CDAN1: variants seen among roughly 807,000 people sequenced by gnomAD.
CDAN1 encodes the protein codanin 1.
In CDAN1, 107 loss-of-function variants were observed where a neutral mutation model predicts 139.8. The observed-to-expected ratio is 0.77, with a 90% confidence interval of 0.65 to 0.90. The LOEUF (loss-of-function observed/expected upper bound fraction) is 0.90, where lower values mean the gene tolerates loss of function less well. Ranked by LOEUF, CDAN1 falls within the 40% of genes least tolerant of loss-of-function variation. The pLI, the probability that CDAN1 is intolerant of heterozygous loss-of-function variation, is 0.00. For missense variants in CDAN1, 1,667 were observed against 1,575.7 expected (o/e 1.06, Z -0.98); for synonymous variants, 776 against 660.6 (o/e 1.17, Z -2.68).
At position 42,737,117 on chromosome 15, in the gene CDAN1, T is replaced by C; in HGVS notation, c.-15A>G. On this transcript the variant is annotated 5_prime_UTR_variant, in exon 1 of 28. Coordinates refer to ENST00000356231, the MANE Select transcript of CDAN1 (RefSeq NM_138477.4). Reference sequence around the variant, plus strand: ...ACGGCCGCCATCCCGGTCGGGGCGCTCTGGGGCGACTGCGCAGGCGCCGGC... The same window carrying C: ...ACGGCCGCCATCCCGGTCGGGGCGCCCTGGGGCGACTGCGCAGGCGCCGGC... 1 of 1,457,278 alleles carries C rather than the reference T, an allele frequency of 6.9e-7. No homozygotes were observed. The highest frequency in any genetic ancestry group is 9.1e-7 in the Non-Finnish European group (1 of 1,099,936). 90.3% of individuals were successfully genotyped at this position (1,457,278 alleles called of 1,614,324 possible). A position where few individuals can be genotyped will look rare whatever the true frequency, so the allele number is the denominator to read the frequency against.
At position 42,731,723 on chromosome 15, in the gene CDAN1, G is replaced by C; in HGVS notation, c.1636C>G (p.Gln546Glu). 6.2e-7 allele frequency: 1 copy of C among 1,614,186 alleles called. No homozygotes were observed. The highest frequency in any genetic ancestry group is 8.5e-7 in the Non-Finnish European group (1 of 1,180,034). ...CTCTGAGGAGCCATAAGCCGTTCCT[G>C]TAGGCGCCACAACCGCCCCAGCTTG... ...ADKLGRLWRL[Q>E]ERLMAPQSSG... The change falls in exon 11 of 28, where the codon CAG becomes GAG. Residue 546 changes from glutamine (Q) to glutamate (E), a missense_variant. By Grantham distance (29) the Gln-to-Glu change is conservative. Coordinates refer to ENST00000356231, the MANE Select transcript of CDAN1 (RefSeq NM_138477.4).
chr15:42,724,033 T>C lies in CDAN1; in HGVS notation c.*458A>G, dbSNP rs2061491565. The C allele has an allele frequency of 3.9e-6, 1 of 256,528 alleles. No individual in the cohort carries two copies. The highest frequency in any genetic ancestry group is 7.7e-6 in the Non-Finnish European group (1 of 129,918). The allele number at this position is 256,528 out of a possible 1,614,324, so 15.9% of individuals were successfully genotyped here. A position where few individuals can be genotyped will look rare whatever the true frequency, so the allele number is the denominator to read the frequency against. On this transcript the variant is annotated 3_prime_UTR_variant, in exon 28 of 28. Coordinates refer to ENST00000356231, the MANE Select transcript of CDAN1 (RefSeq NM_138477.4). ...CCTGTGTTAGGCATTTATAAGGAGATGGCAGTCCAGCTCCTGGTGATAAGA... is the reference window on the plus strand; with the variant it reads ...CCTGTGTTAGGCATTTATAAGGAGACGGCAGTCCAGCTCCTGGTGATAAGA...
At position 42,727,647 on chromosome 15, in the gene CDAN1, G is replaced by A. The variant is rs762526402; in HGVS notation, c.3070C>T (p.Pro1024Ser). The A allele has an allele frequency of 1.3e-6, 2 of 1,583,256 alleles. No individual in the cohort carries two copies. The highest frequency in any genetic ancestry group is 1.7e-6 in the Non-Finnish European group (2 of 1,162,022). Residue 1024 changes from proline to serine, a missense_variant, in exon 23 of 28, where the codon CCC (proline) becomes TCC (serine). By Grantham distance (74) the Pro-to-Ser change is moderately conservative. Around this residue, in one of 3 missense-constraint regions of CDAN1, gnomAD observed 936 missense variants for 844.1 expected, o/e 1.11. Transcript: ENST00000356231. ...TTTATCTCGGAGATGAGGTGGGAGG[G>A]GAGGGGAGCATGGTGCTCACAGGCG... ...SRACEHHAPL[P>S]SHLISEIKDV...
intron 22 of CDAN1, 48 bp downstream of exon 22, chr15:42,727,907 C>CCA: frequency 6.2e-7 from 1 of 1,604,532 alleles, no homozygotes. Flanking sequence ...CTCTGCCAGT[C>CCA]CACTTTTTAA....
chr15:42,733,702 T>C (rs899521570), intron 8 of CDAN1, among the ~76,000 whole-genome samples: 4 of 151,960 alleles, frequency 2.6e-5, no homozygotes, highest in African/African-American at 9.7e-5. Flanking sequence ...CACTCTTGCT[T>C]GAGAACCCTG....
chr15:42,736,115 A>G lies in CDAN1; in HGVS notation c.570-37T>C, dbSNP rs753982715. 3.2e-5 allele frequency: 52 copies of G among 1,604,778 alleles called. No homozygotes were observed. The South Asian group carries it at 5.1e-4, about 16-fold the overall frequency. On this transcript the variant is annotated intron_variant, in intron 2 of 27. Coordinates refer to ENST00000356231, the MANE Select transcript of CDAN1 (RefSeq NM_138477.4). ...AGCCACAGGTTTTTCTCAAATTCCT[A>G]TCTTCAAACATCTCCCCTCCACCAC...
intron 24 of CDAN1, 45 bp downstream of exon 24, chr15:42,726,265 A>G: frequency 1.3e-6 from 2 of 1,594,348 alleles, no homozygotes. Flanking sequence ...GGTCTCACAC[A>G]AGGACACAGA....
chr15:42,731,867 A>C, intron 10 of CDAN1, 42 bp from the exon 11 acceptor site: 1 of 1,578,772 alleles, frequency 6.3e-7, no homozygotes, highest in Non-Finnish European at 8.7e-7. Flanking sequence ...AAAATCAGCA[A>C]GTGGGAGGGA....
At chr15:42,725,816 C>G in intron 25 of CDAN1, 146 bp from the exon 26 acceptor site, 8 of 871,052 alleles carry the variant, frequency 9.2e-6, no homozygotes, top group Non-Finnish European at 1.4e-5. Flanking sequence ...AACCCCATCT[C>G]TATTAAAAAT....
rs552779240 is a variant in CDAN1 at position 42,735,626 on chromosome 15, C to T, written c.827G>A (p.Gly276Glu). Reference sequence around the variant, plus strand: ...TCCTGTCCGGCTGGGGAGGGGCGACCCCAATTCTGGGGTGGGACAGGTGGG... The same window carrying T: ...TCCTGTCCGGCTGGGGAGGGGCGACTCCAATTCTGGGGTGGGACAGGTGGG... The part of the protein sequence containing the change: ...PTPTCPTPEL[G>E]SPLPSRTGSL... The change falls in exon 4 of 28, where the codon GGG becomes GAG. Residue 276 changes from glycine (G) to glutamate (E), a missense_variant. Around this residue, in one of 3 missense-constraint regions of CDAN1, gnomAD observed 487 missense variants for 422.2 expected, o/e 1.15. Transcript: ENST00000356231. 1.9e-6 allele frequency: 3 copies of T among 1,614,154 alleles called. No homozygotes were observed. The highest frequency in any genetic ancestry group is 2.2e-5 in the South Asian group (2 of 91,078).
In CDAN1 at chr15:42,729,305, C is replaced by A; in HGVS notation, c.2465G>T (p.Gly822Val). Reference protein sequence around the residue: ...WVSGSSGRSGGFMRKITPTTT... With the variant: ...WVSGSSGRSGVFMRKITPTTT... Reference sequence around the variant, plus strand: ...GGTGGGGGTGATTTTCCTCATGAAGCCCCCACTCCGTCCACTACTGCCTGA... The same window carrying A: ...GGTGGGGGTGATTTTCCTCATGAAGACCCCACTCCGTCCACTACTGCCTGA... Residue 822 changes from glycine (G) to valine (V), a missense_variant, in exon 18 of 28, where the codon GGC becomes GTC. Gly to Val is a moderately radical substitution (Grantham distance 109). This residue lies in a region of CDAN1 where 936 missense variants were observed against 844.1 expected (regional missense o/e 1.11). Transcript: ENST00000356231. 1 of 1,614,014 alleles carries A rather than the reference C, an allele frequency of 6.2e-7. No homozygotes were observed. Among genetic ancestry groups the A allele is most frequent in the East Asian group, 2.2e-5 (1 of 44,864 alleles).
chr15:42,727,726 A>T lies in CDAN1; in HGVS notation c.2991T>A (p.Leu997=). The part of the protein sequence containing the change: ...REVKAAVSRT[L]RAQGPEPAAR... ...CAGCAGGTTCAGGACCCTGGGCTCG[A>T]AGTGTGCGACTCACTGCTGCTTTCA... Residue 997 remains leucine (L), a synonymous_variant, in exon 23 of 28, where the codon CTT becomes CTA. Transcript: ENST00000356231. The T allele has an allele frequency of 6.3e-7, 1 of 1,586,096 alleles. No homozygotes were observed. The highest frequency in any genetic ancestry group is 8.6e-7 in the Non-Finnish European group (1 of 1,162,302).
rs7174041 is a variant in CDAN1, at chr15:42,730,492, C to G, written c.2174+106G>C. On this transcript the variant is annotated intron_variant, in intron 14 of 27. Transcript: ENST00000356231. ...CCCAGGGCTCAGTTATGGCCAGGGC[C>G]CCACACGCACAGTGCAGACTGCTCG... 30 of 1,325,024 alleles carry G rather than the reference C, an allele frequency of 2.3e-5. 1 individual carries two copies. In the East Asian group the frequency reaches 3.9e-4, roughly 17 times the overall value. The allele number at this position is 1,325,024 out of a possible 1,614,324, so 82.1% of individuals were successfully genotyped here.
Position 42,735,504 on chromosome 15 carries a change from A to T in CDAN1, c.943+6T>A. ...CTCCACTCCCGCTCCCTCCGCTCTC[A>T]CTCACCAGCAATGCACGAGGAGTAA... On this transcript the variant is annotated splice_donor_region_variant and intron_variant, in intron 4 of 27. Coordinates refer to ENST00000356231, the MANE Select transcript of CDAN1 (RefSeq NM_138477.4). 8 of 1,614,042 alleles carry T rather than the reference A, an allele frequency of 5.0e-6. No individual in the cohort carries two copies. The highest frequency in any genetic ancestry group is 6.8e-6 in the Non-Finnish European group (8 of 1,179,996).
rs2061651663 is a variant in CDAN1, at chr15:42,733,994, A to C, written c.1311T>G (p.Thr437=). The C allele has an allele frequency of 5.6e-6, 9 of 1,614,192 alleles. No individual in the cohort carries two copies. Among genetic ancestry groups the C allele is most frequent in the Non-Finnish European group, 7.6e-6 (9 of 1,180,002 alleles). Residue 437 remains threonine (T), a synonymous_variant, in exon 8 of 28, where the codon ACT becomes ACG. Transcript: ENST00000356231. ...STQAVSFQPE[T]DNRANFSSDR... ...CACTGGAGAAGTTGGCACGATTGTC[A>C]GTCTCTGGCTGAAAGGAGACAGCTT... is the stretch of plus-strand genomic sequence containing the variant.
rs1323346134 is a variant in CDAN1 at position 42,726,090 on chromosome 15, A to G, written c.3268+7T>C. The G allele has an allele frequency of 6.2e-7, 1 of 1,613,708 alleles. No individual in the cohort carries two copies. The highest frequency in any genetic ancestry group is 8.5e-7 in the Non-Finnish European group (1 of 1,179,812). ...CAAGAGAGGGATTTGATGGAAAGCAACCATACCGAGGAGGGAAGCTAACTC... is the reference window on the plus strand; with the variant it reads ...CAAGAGAGGGATTTGATGGAAAGCAGCCATACCGAGGAGGGAAGCTAACTC... On this transcript the variant is annotated splice_region_variant and intron_variant, in intron 25 of 27. Coordinates refer to ENST00000356231, the MANE Select transcript of CDAN1 (RefSeq NM_138477.4).
intron 23 of CDAN1, 42 bp downstream of exon 23, chr15:42,727,579 G>GGT: frequency 6.7e-7 from 1 of 1,488,998 alleles, no homozygotes; most frequent in Non-Finnish European, 9.0e-7. Context: ...AGAGCAGGGG[G>GGT]GTGGGAGCAG....
At chr15:42,735,402 G>A (rs747770295) in intron 4 of CDAN1, 28 bp from the exon 5 acceptor site, 2 of 1,586,814 alleles carry the variant, frequency 1.3e-6, no homozygotes, top group Non-Finnish European at 8.6e-7. Context: ...GAAAGCCCAT[G>A]GTATGGGCAC....
Position 42,734,027 on chromosome 15 carries a change from G to A in CDAN1, c.1278C>T (p.Pro426=), listed in dbSNP as rs1859842915. Residue 426 remains proline, a synonymous_variant, in exon 8 of 28, where the codon CCC becomes CCT. Transcript: ENST00000356231. ...GCTGAAAGGAGACAGCTTGAGTAGA[G>A]GGAGGCATCACCAGAGAGACCTAAA... ...SVAKVSLVMP[P]STQAVSFQPE... 1 of 1,613,912 alleles carries A rather than the reference G, an allele frequency of 6.2e-7. No individual in the cohort carries two copies. The highest frequency in any genetic ancestry group is 8.5e-7 in the Non-Finnish European group (1 of 1,179,800).
Sources: allele counts gnomAD v4.1 joint callset (sites outside exome capture counted in the v4.1 genomes callset), GRCh38; gene constraint gnomAD v4.1.1; regional missense constraint gnomAD v4.1.1; transcripts MANE v1.5; gene names NCBI Gene and HGNC (gene_info 2026-07-23, HGNC 2026-07-21).